DPP10: variants seen among roughly 807,000 people sequenced by gnomAD.
DPP10 encodes dipeptidyl peptidase like 10, also known as inactive dipeptidyl peptidase 10.
A neutral mutation model predicts 120.9 loss-of-function variants in DPP10; 33 were observed. That is an observed-to-expected ratio of 0.27 (90% CI 0.21 to 0.37). The LOEUF (loss-of-function observed/expected upper bound fraction) is 0.37, where lower values mean the gene tolerates loss of function less well. Among genes scored for constraint, DPP10 ranks in the 10% least tolerant of loss-of-function variants. The pLI, the probability that DPP10 is intolerant of heterozygous loss-of-function variation, is 1.00. For missense variants in DPP10, 816 were observed against 942.8 expected, an observed-to-expected ratio of 0.87 and a Z score of 1.76; for synonymous variants, 337 against 326.1, an observed-to-expected ratio of 1.03 and a Z score of -0.36.
At chr2:114,999,274 A>G (rs1349567624) in intron 1 of DPP10, among the ~76,000 whole-genome samples, 1 of 152,184 alleles carries the variant, frequency 6.6e-6, no homozygotes, top group Non-Finnish European at 1.5e-5. Flanking sequence ...AGTAACATAT[A>G]GGCAAAGAGA....
At chr2:115,817,437 C>T (rs1687366835) in intron 21 of DPP10, among the ~76,000 whole-genome samples, 1 of 152,066 alleles carries the variant, frequency 6.6e-6, no homozygotes. Context: ...GTGGTACATA[C>T]TGACAGGTGG....
chr2:115,032,464 T>C (rs1269788854), intron 1 of DPP10, among the ~76,000 whole-genome samples: 1 of 151,942 alleles, frequency 6.6e-6, no homozygotes, highest in African/African-American at 2.4e-5. Flanking sequence ...CAAAGAAAGA[T>C]ATTTATTTTC....
chr2:114,883,295 T>A (rs2106610506), intron 1 of DPP10, among the ~76,000 whole-genome samples: 1 of 152,314 alleles, frequency 6.6e-6, no homozygotes, highest in South Asian at 2.1e-4. Context: ...TTATAGTCTG[T>A]AGTCACAGGA....
intron 1 of DPP10, among the ~76,000 whole-genome samples, chr2:115,162,945 G>C (rs995665570): frequency 6.6e-6 from 1 of 152,072 alleles, no homozygotes; most frequent in Admixed American, 6.5e-5. Context: ...GGGAGGCTGC[G>C]CTGAGCCGGG....
intron 1 of DPP10, among the ~76,000 whole-genome samples, chr2:114,506,379 A>G (rs1430099): frequency 2.2e-4 from 34 of 152,140 alleles, no homozygotes; most frequent in African/African-American, 8.2e-4. Context: ...AGCCACTTTC[A>G]TCGGTAATAA....
chr2:114,995,909 A>C (rs527814516), intron 1 of DPP10, among the ~76,000 whole-genome samples: 5 of 152,212 alleles, frequency 3.3e-5, no homozygotes, highest in Admixed American at 6.5e-5. Flanking sequence ...CAAGATCGGC[A>C]GGTATAACCA....
At chr2:115,663,785 G>A (rs1004467750) in intron 5 of DPP10, among the ~76,000 whole-genome samples, 17 of 151,878 alleles carry the variant, frequency 1.1e-4, no homozygotes, top group Admixed American at 5.2e-4. Flanking sequence ...TCACGAGGTC[G>A]GGAGGTCCAG....
intron 1 of DPP10, among the ~76,000 whole-genome samples, chr2:115,054,851 G>A (rs2105360507): frequency 6.6e-6 from 1 of 152,256 alleles, no homozygotes; most frequent in Admixed American, 6.5e-5. Flanking sequence ...GATGGAGGTT[G>A]CAGTGAGCCA....
chr2:114,495,757 G>A (rs968269151), intron 1 of DPP10, among the ~76,000 whole-genome samples: 3 of 152,114 alleles, frequency 2.0e-5, no homozygotes, highest in Admixed American at 6.6e-5. Flanking sequence ...AGCAGCTGGA[G>A]GATAAATGCA....
intron 1 of DPP10, among the ~76,000 whole-genome samples, chr2:114,531,103 CTAGACTGGAATGTCTCTTCCTCAAACAT>C (rs1338978008): frequency 6.6e-6 from 1 of 152,088 alleles, no homozygotes; most frequent in Non-Finnish European, 1.5e-5. Context: ...TGTTTGCACC[CTAGACTGGAATGTCTCTTCCTCAAACAT>C]GTATTAAGCC....
At chr2:114,444,065 C>T (rs1444166269) in intron 1 of DPP10, among the ~76,000 whole-genome samples, 1 of 152,106 alleles carries the variant, frequency 6.6e-6, no homozygotes, top group African/African-American at 2.4e-5. Context: ...AGATTCCCAT[C>T]ATACATAAAC....
intron 1 of DPP10, among the ~76,000 whole-genome samples, chr2:114,980,367 A>G (rs563526092): frequency 2.9e-3 from 437 of 152,182 alleles, no homozygotes; most frequent in Admixed American, 6.0e-3. Flanking sequence ...TTATCTTTTA[A>G]TAATAATATA....
intron 1 of DPP10, among the ~76,000 whole-genome samples, chr2:114,608,061 A>G (rs1026509292): frequency 6.6e-6 from 1 of 152,206 alleles, no homozygotes; most frequent in African/African-American, 2.4e-5. Context: ...AAATAGCACC[A>G]TCTTCCTAAA....
intron 8 of DPP10, among the ~76,000 whole-genome samples, chr2:115,734,835 C>A (rs1035901354): frequency 2.0e-5 from 3 of 151,980 alleles, no homozygotes; most frequent in African/African-American, 7.3e-5. Context: ...AATATCACAA[C>A]TGAAGAAAGG....
chr2:114,995,269 A>G (rs914766370), intron 1 of DPP10, among the ~76,000 whole-genome samples: 1 of 152,204 alleles, frequency 6.6e-6, no homozygotes, highest in Admixed American at 6.5e-5. Context: ...GGCAATGCAT[A>G]ACCAATATGG....
At position 115,815,696 on chromosome 2, in the gene DPP10, C is replaced by T; in HGVS notation, c.1917C>T (p.Tyr639=). 5 of 1,601,476 alleles carry T rather than the reference C, an allele frequency of 3.1e-6. No individual in the cohort carries two copies. Among genetic ancestry groups the T allele is most frequent in the African/African-American group, 1.3e-5 (1 of 74,762 alleles). The stretch of plus-strand genomic sequence containing the variant: ...GCAGATTTTTGCTGAAACTGCCTTA[C>T]ATTGACTCCAAAAGATTAAGCATTT... ...TAVKFLLKLP[Y]IDSKRLSIFG... The change falls in exon 21 of 26, where the codon TAC becomes TAT. Residue 639 remains tyrosine (Y), a synonymous_variant. Transcript: ENST00000410059.
At chr2:115,451,640 C>T (rs1195244533) in intron 3 of DPP10, among the ~76,000 whole-genome samples, 2 of 151,876 alleles carry the variant, frequency 1.3e-5, no homozygotes, top group Non-Finnish European at 2.9e-5. Flanking sequence ...TCTGTTGCTA[C>T]CATGAAATTT....
At chr2:115,381,444 A>T (rs905439901) in intron 3 of DPP10, among the ~76,000 whole-genome samples, 1 of 152,082 alleles carries the variant, frequency 6.6e-6, no homozygotes, top group Non-Finnish European at 1.5e-5. Flanking sequence ...TATTCTAGTT[A>T]TACATTCTTC....
intron 1 of DPP10, among the ~76,000 whole-genome samples, chr2:115,045,673 G>A (rs1212085960): frequency 6.6e-6 from 1 of 152,112 alleles, no homozygotes; most frequent in Non-Finnish European, 1.5e-5. Context: ...GATGGTATCA[G>A]TAATTCAAGA....
Sources: gnomAD v4.1 joint callset for allele counts (sites outside exome capture counted in the v4.1 genomes callset) on GRCh38, gnomAD v4.1.1 for gene constraint, MANE v1.5 for transcripts, NCBI Gene and HGNC (gene_info 2026-07-23, HGNC 2026-07-21) for gene names.